The following PCDHA2 variants were observed in gnomAD, a reference collection of about 807,000 sequenced individuals.
The protein encoded by PCDHA2 is protocadherin alpha-2.
In PCDHA2, 58 loss-of-function variants were observed where a neutral mutation model predicts 66.0. The ratio of observed to expected loss-of-function variants is 0.88; its 90% CI spans 0.71 to 1.09. The LOEUF is 1.09. Ranked by LOEUF, PCDHA2 falls within the 50% of genes least tolerant of loss-of-function variation. PCDHA2 has a pLI of 0.00. For synonymous variants in PCDHA2, 634 were observed against 554.0 expected (o/e 1.14, Z -2.03); for missense variants, 1,267 against 1,242.3 (o/e 1.02, Z -0.30).
At chr5:140,834,413 G>C in intron 1 of PCDHA2, 3 of 1,611,242 alleles carry the variant, frequency 1.9e-6, no homozygotes, top group Non-Finnish European at 2.5e-6. Context: ...ACGACCCAGG[G>C]GGCCGACATC....
At chr5:140,967,390 G>A (rs2096135950) in intron 1 of PCDHA2, 2 of 1,609,752 alleles carry the variant, frequency 1.2e-6, no homozygotes, top group African/African-American at 1.3e-5. Context: ...AAGTGCTTGA[G>A]CTGGTGCTGC....
At position 140,796,857 on chromosome 5, in the gene PCDHA2, C is replaced by G. The variant is rs1554120158; in HGVS notation, c.1893C>G (p.Ile631Met). The change falls in exon 1 of 4, where the codon ATC becomes ATG. Residue 631 changes from isoleucine (I) to methionine (M), a missense_variant. By Grantham distance (10) the Ile-to-Met change is conservative. Transcript: ENST00000526136. The part of the protein sequence containing the change: ...PFRVGLYTGE[I>M]STTRALDEAD... ...GCGTGGGGCTATACACGGGTGAGATCAGCACGACACGTGCCCTAGACGAGG... is the reference window on the plus strand; with the variant it reads ...GCGTGGGGCTATACACGGGTGAGATGAGCACGACACGTGCCCTAGACGAGG... The G allele has an allele frequency of 6.2e-7, 1 of 1,613,988 alleles. No individual in the cohort carries two copies. The highest frequency in any genetic ancestry group is 1.3e-5 in the African/African-American group (1 of 74,942).
At chr5:140,883,343 A>G in intron 1 of PCDHA2, 1 of 1,614,142 alleles carries the variant, frequency 6.2e-7, no homozygotes, top group Non-Finnish European at 8.5e-7. Context: ...GTCACTCCCC[A>G]TCAGAGAAGA....
intron 1 of PCDHA2, chr5:140,863,153 A>T (rs1554157836): frequency 1.6e-6 from 1 of 625,716 alleles, no homozygotes; most frequent in South Asian, 1.4e-5. Flanking sequence ...GTGAAGGACC[A>T]CTGCGAGCTG....
chr5:140,932,351 A>C (rs1401387848), intron 1 of PCDHA2, among the ~76,000 whole-genome samples: 1 of 151,920 alleles, frequency 6.6e-6, no homozygotes, highest in Non-Finnish European at 1.5e-5. Flanking sequence ...TTACCATACA[A>C]CTGGCCTTAT....
intron 1 of PCDHA2, among the ~76,000 whole-genome samples, chr5:140,921,353 A>T (rs943655623): frequency 6.6e-6 from 1 of 152,160 alleles, no homozygotes; most frequent in Non-Finnish European, 1.5e-5. Context: ...ATATTTGCCT[A>T]TATTCAAGTT....
Position 140,796,116 on chromosome 5 carries a change from T to A in PCDHA2, c.1152T>A (p.His384Gln), listed in dbSNP as rs17844248. The A allele has an allele frequency of 4.0e-5, 64 of 1,614,092 alleles. No individual in the cohort carries two copies. In the East Asian group the frequency reaches 1.4e-3, roughly 35 times the overall value. Reference sequence around the variant, plus strand: ...ATCGCGACTCTGGTACGAATGGACATGTCACCTGCTCCCTGACGCCCCACG... The same window carrying A: ...ATCGCGACTCTGGTACGAATGGACAAGTCACCTGCTCCCTGACGCCCCACG... ...VSDRDSGTNGHVTCSLTPHVP... is the reference protein window; with the variant it reads ...VSDRDSGTNGQVTCSLTPHVP... Residue 384 changes from histidine (H) to glutamine (Q), a missense_variant, in exon 1 of 4, where the codon CAT (histidine) becomes CAA (glutamine). Transcript: ENST00000526136.
chr5:140,869,813 A>G, intron 1 of PCDHA2: 2 of 1,612,416 alleles, frequency 1.2e-6, no homozygotes, highest in Non-Finnish European at 1.7e-6. Context: ...GATGTCAACG[A>G]CAATGATCCA....
At chr5:140,884,166 C>A in intron 1 of PCDHA2, 1 of 1,613,430 alleles carries the variant, frequency 6.2e-7, no homozygotes, top group Non-Finnish European at 8.5e-7. Context: ...GAGATCAGCA[C>A]GACGCGCCCT....
At chr5:140,832,466 T>A (rs1022367825) in intron 1 of PCDHA2, among the ~76,000 whole-genome samples, 6 of 152,304 alleles carry the variant, frequency 3.9e-5, no homozygotes, top group Admixed American at 1.3e-4. Flanking sequence ...CACTAAAATT[T>A]AAAAAAACTA....
intron 1 of PCDHA2, among the ~76,000 whole-genome samples, chr5:140,892,079 G>A (rs985463495): frequency 2.0e-5 from 3 of 152,066 alleles, no homozygotes; most frequent in Admixed American, 6.6e-5. Context: ...ATAATTTCTA[G>A]TTTCCTCTCG....
intron 1 of PCDHA2, among the ~76,000 whole-genome samples, chr5:140,959,041 T>C (rs1291778863): frequency 2.6e-5 from 4 of 152,118 alleles, no homozygotes; most frequent in Non-Finnish European, 5.9e-5. Flanking sequence ...GGTATGTATG[T>C]ATAGGAAAAA....
intron 3 of PCDHA2, among the ~76,000 whole-genome samples, chr5:140,991,325 G>C (rs899183687): frequency 3.3e-5 from 5 of 152,184 alleles, no homozygotes; most frequent in Non-Finnish European, 5.9e-5. Flanking sequence ...GATACATGAA[G>C]GGAATAGCTT....
In PCDHA2 at chr5:140,796,578, G is replaced by T; in HGVS notation, c.1614G>T (p.Arg538=). The change falls in exon 1 of 4, where the codon CGG becomes CGT. Residue 538 remains arginine (R), a synonymous_variant. Coordinates refer to ENST00000526136, the MANE Select transcript of PCDHA2 (RefSeq NM_018905.3). The part of the protein sequence containing the change: ...VELLQFQVSA[R]DAGVPPLGSN... Reference sequence around the variant, plus strand: ...TGCTGCAGTTCCAGGTGAGCGCGCGGGATGCGGGCGTGCCGCCTCTGGGCA... The same window carrying T: ...TGCTGCAGTTCCAGGTGAGCGCGCGTGATGCGGGCGTGCCGCCTCTGGGCA... 6.2e-7 allele frequency: 1 copy of T among 1,613,328 alleles called. No homozygotes were observed. Among genetic ancestry groups the T allele is most frequent in the Middle Eastern group, 1.7e-4 (1 of 5,802 alleles).
intron 1 of PCDHA2, among the ~76,000 whole-genome samples, chr5:140,873,716 A>G (rs1476838319): frequency 6.6e-6 from 1 of 152,184 alleles, no homozygotes; most frequent in Non-Finnish European, 1.5e-5. Context: ...GCTGGTGTGC[A>G]GTGGCGCAAT....
At position 140,828,784 on chromosome 5, in the gene PCDHA2, A is replaced by G. The variant is rs140143150; in HGVS notation, c.2388+31432A>G. 13 of 1,614,228 alleles carry G rather than the reference A, an allele frequency of 8.1e-6. No homozygotes were observed. The South Asian group carries it at 1.3e-4, about 16-fold the overall frequency. ...CAGGCACTGTTCAGCTGCTGGTCAC[A>G]GTGCTGGATGTGAATGATAATGCTC... is the stretch of plus-strand genomic sequence containing the variant. On this transcript the variant is annotated intron_variant, in intron 1 of 3. Transcript: ENST00000526136.
chr5:140,999,091 T>G (rs1342614556), intron 3 of PCDHA2, among the ~76,000 whole-genome samples: 1 of 152,208 alleles, frequency 6.6e-6, no homozygotes, highest in South Asian at 2.1e-4. Flanking sequence ...TTCAGAGGGC[T>G]ATGGAGAGTA....
At chr5:140,877,738 C>G (rs539793128) in intron 1 of PCDHA2, 1 of 1,614,164 alleles carries the variant, frequency 6.2e-7, no homozygotes, top group African/African-American at 1.3e-5. Flanking sequence ...GCAGAGGAGG[C>G]AGAGGGTGTG....
At chr5:140,927,092 G>T in intron 1 of PCDHA2, 1 of 1,612,746 alleles carries the variant, frequency 6.2e-7, no homozygotes, top group Non-Finnish European at 8.5e-7. Flanking sequence ...CTCTACTTCG[G>T]GGTGGATCTA....
Sources: gnomAD v4.1 joint callset for allele counts (sites outside exome capture counted in the v4.1 genomes callset) on GRCh38, gnomAD v4.1.1 for gene constraint, MANE v1.5 for transcripts, NCBI Gene and HGNC (gene_info 2026-07-23, HGNC 2026-07-21) for gene names.